Variants in MTMR6 observed in about 807,000 individuals in gnomAD.
The protein encoded by MTMR6 is phosphatidylinositol-3,5-bisphosphate 3-phosphatase MTMR6.
A neutral mutation model predicts 80.1 loss-of-function variants in MTMR6; 47 were observed. The observed-to-expected ratio is 0.59, with a 90% CI of 0.46 to 0.75. MTMR6 has a LOEUF of 0.75. MTMR6 is among the 30% of genes least tolerant of loss of function. MTMR6 has a pLI of 0.00. For missense variants in MTMR6, 629 were observed against 730.9 expected, an observed-to-expected ratio of 0.86 and a Z score of 1.61; for synonymous variants, 254 against 253.0, an observed-to-expected ratio of 1.00 and a Z score of -0.04.
At chr13:25,264,677 C>T (rs1957413016) in intron 5 of MTMR6, among the ~76,000 whole-genome samples, 1 of 149,828 alleles carries the variant, frequency 6.7e-6, no homozygotes, top group African/African-American at 2.5e-5. Context: ...ATCGCTTGAA[C>T]CCGGGAGGTG....
intron 2 of MTMR6, among the ~76,000 whole-genome samples, chr13:25,272,703 GTTTT>G (rs1957606476): frequency 6.6e-6 from 1 of 152,120 alleles, no homozygotes; most frequent in Non-Finnish European, 1.5e-5. Context: ...GCAGTATACG[GTTTT>G]TTGTTTGTGT....
At position 25,249,375 on chromosome 13, in the gene MTMR6, G is replaced by A; in HGVS notation, c.1723C>T (p.Leu575=). 1 of 1,614,146 alleles carries A rather than the reference G, an allele frequency of 6.2e-7. No homozygotes were observed. The highest frequency in any genetic ancestry group is 1.1e-5 in the South Asian group (1 of 91,082). ...CGAAGAGCATCATTTACGGGTAGCAGAGTCTGCTCTTTAAAACACAGGGAA... is the reference window on the plus strand; with the variant it reads ...CGAAGAGCATCATTTACGGGTAGCAAAGTCTGCTCTTTAAAACACAGGGAA... ...KTSLCFKEQT[L]LPVNDALRTI... The change falls in exon 14 of 14, where the codon CTG becomes TTG. Residue 575 remains leucine, a synonymous_variant. Transcript: ENST00000381801.
At chr13:25,285,308 A>G (rs1451083569) in intron 1 of MTMR6, among the ~76,000 whole-genome samples, 1 of 149,978 alleles carries the variant, frequency 6.7e-6, no homozygotes, top group African/African-American at 2.5e-5. Context: ...AAGTCTGTTC[A>G]CTCTTATCAT....
intron 1 of MTMR6, among the ~76,000 whole-genome samples, chr13:25,278,852 T>C (rs537844349): frequency 6.6e-6 from 1 of 151,884 alleles, no homozygotes; most frequent in Non-Finnish European, 1.5e-5. Flanking sequence ...GTCATTGCAC[T>C]CCAGCTTGAG....
intron 5 of MTMR6, among the ~76,000 whole-genome samples, chr13:25,263,796 G>A (rs1238918663): frequency 6.6e-6 from 1 of 152,178 alleles, no homozygotes; most frequent in African/African-American, 2.4e-5. Flanking sequence ...TGAGGCAGGA[G>A]AATCACTGGA....
chr13:25,280,556 C>T (rs906628571), intron 1 of MTMR6, among the ~76,000 whole-genome samples: 5 of 152,166 alleles, frequency 3.3e-5, no homozygotes, highest in African/African-American at 1.2e-4. Context: ...AAACCAACTG[C>T]TTCTTTATAT....
chr13:25,276,429 CTATT>C (rs1957729790), intron 1 of MTMR6, among the ~76,000 whole-genome samples: 1 of 152,114 alleles, frequency 6.6e-6, no homozygotes, highest in African/African-American at 2.4e-5. Flanking sequence ...GATTTTATTA[CTATT>C]TAAATAGGAA....
chr13:25,280,817 C>A (rs1957826126), intron 1 of MTMR6, among the ~76,000 whole-genome samples: 1 of 152,016 alleles, frequency 6.6e-6, no homozygotes, highest in South Asian at 2.1e-4. Context: ...GAAAATGTGG[C>A]AAGGAGAAAG....
At chr13:25,255,522 CTCTACTT>C (rs1187757767) in intron 9 of MTMR6, among the ~76,000 whole-genome samples, 6 of 151,990 alleles carry the variant, frequency 3.9e-5, no homozygotes, top group South Asian at 2.1e-4. Context: ...TTCTTCCTGA[CTCTACTT>C]TCTTTTTTTT....
At chr13:25,260,879 A>T (rs569701759) in intron 6 of MTMR6, among the ~76,000 whole-genome samples, 1 of 152,328 alleles carries the variant, frequency 6.6e-6, no homozygotes, top group South Asian at 2.1e-4. Context: ...ATTCCTGTTC[A>T]CTATTTAAAA....
chr13:25,278,702 G>A (rs1054139178), intron 1 of MTMR6, among the ~76,000 whole-genome samples: 1 of 82,786 alleles, frequency 1.2e-5, no homozygotes, highest in African/African-American at 4.8e-5. Flanking sequence ...ACAAGAGCAA[G>A]ACTCTGCAAA....
intron 1 of MTMR6, among the ~76,000 whole-genome samples, chr13:25,277,725 G>C (rs950057536): frequency 3.3e-5 from 5 of 152,134 alleles, no homozygotes; most frequent in Non-Finnish European, 7.4e-5. Flanking sequence ...TCAGTTTTTG[G>C]TTTTGGGTTT....
At chr13:25,266,068 A>G in intron 4 of MTMR6, 61 bp downstream of exon 4, 1 of 1,595,538 alleles carries the variant, frequency 6.3e-7, no homozygotes, top group Non-Finnish European at 8.6e-7. Flanking sequence ...TGCTACGCTG[A>G]CACTCTCTAA....
At chr13:25,286,875 T>C (rs1957963724) in intron 1 of MTMR6, among the ~76,000 whole-genome samples, 1 of 152,190 alleles carries the variant, frequency 6.6e-6, no homozygotes, top group African/African-American at 2.4e-5. Context: ...TTCCGGTTGA[T>C]GAGGCAACGA....
intron 1 of MTMR6, among the ~76,000 whole-genome samples, chr13:25,283,377 A>G (rs1383482848): frequency 1.3e-5 from 2 of 152,214 alleles, no homozygotes; most frequent in Non-Finnish European, 2.9e-5. Context: ...AAATCAAAAC[A>G]ACACTTTACT....
chr13:25,249,192 T>C lies in MTMR6; in HGVS notation c.*40A>G, dbSNP rs777975238. 2.1e-5 allele frequency: 33 copies of C among 1,594,548 alleles called. No homozygotes were observed. The Admixed American group carries it at 5.5e-4, about 27-fold the overall frequency. Reference sequence around the variant, plus strand: ...TACAGACCATCCTCACAATAATCCTTTTCTTGTACTGCAATCATTGCAGAA... The same window carrying C: ...TACAGACCATCCTCACAATAATCCTCTTCTTGTACTGCAATCATTGCAGAA... On this transcript the variant is annotated 3_prime_UTR_variant, in exon 14 of 14. Transcript: ENST00000381801.
intron 2 of MTMR6, among the ~76,000 whole-genome samples, chr13:25,271,505 C>G (rs1371351844): frequency 6.6e-6 from 1 of 152,186 alleles, no homozygotes. Context: ...TTGCCACTTG[C>G]CTGAGCTTCA....
At chr13:25,276,885 T>C (rs1190688490) in intron 1 of MTMR6, among the ~76,000 whole-genome samples, 1 of 152,188 alleles carries the variant, frequency 6.6e-6, no homozygotes, top group African/African-American at 2.4e-5. Flanking sequence ...TCCTGTGTAG[T>C]ATGTACTAGT....
At chr13:25,256,066 CAA>C (rs1233075836) in intron 9 of MTMR6, among the ~76,000 whole-genome samples, 1 of 152,108 alleles carries the variant, frequency 6.6e-6, no homozygotes, top group Non-Finnish European at 1.5e-5. Context: ...TCCCATTATC[CAA>C]AGAGGGGAAA....
Sources: gnomAD v4.1 joint callset for allele counts (sites outside exome capture counted in the v4.1 genomes callset) on GRCh38, gnomAD v4.1.1 for gene constraint, MANE v1.5 for transcripts, NCBI Gene and HGNC (gene_info 2026-07-23, HGNC 2026-07-21) for gene names.